HNRNPU: variants seen among roughly 807,000 people sequenced by gnomAD.
The protein encoded by HNRNPU is HNRNPU antisense RNA 1.
Under a neutral mutation model 94.7 loss-of-function variants are expected in HNRNPU, and 5 were observed. That is an observed-to-expected ratio of 0.05 (90% CI 0.03 to 0.11). The LOEUF (loss-of-function observed/expected upper bound fraction) is 0.11, where lower values mean the gene tolerates loss of function less well. HNRNPU is among the 10% of genes least tolerant of loss of function. The pLI is 1.00. For missense variants in HNRNPU, 710 were observed against 1,049.2 expected (o/e 0.68, Z 4.47); for synonymous variants, 434 against 381.6 (o/e 1.14, Z -1.60).
chr1:244,861,641 C>T (rs575201239), intron 3 of HNRNPU: 3 of 151,824 alleles, frequency 2.0e-5, no homozygotes, highest in Admixed American at 2.0e-4. Flanking sequence ...AGGCTGACAC[C>T]ATAGCTGATA....
intron 6 of HNRNPU, 120 bp from the exon 7 acceptor site, chr1:244,858,394 G>A (rs1341487777): frequency 1.1e-6 from 1 of 933,314 alleles, no homozygotes; most frequent in Non-Finnish European, 1.6e-6. Context: ...AGAACTATTA[G>A]GTGGCCTTTA....
rs1480185712 is a variant in HNRNPU, at chr1:244,852,811, G to A, written c.*1639C>T. 6.6e-6 allele frequency: 1 copy of A among 152,430 alleles called. No homozygotes were observed. Among genetic ancestry groups the A allele is most frequent in the Non-Finnish European group, 1.5e-5 (1 of 68,008 alleles). 9.4% of individuals were successfully genotyped at this position (152,430 alleles called of 1,614,324 possible). A position where few individuals can be genotyped will look rare whatever the true frequency, so the allele number is the denominator to read the frequency against. On this transcript the variant is annotated 3_prime_UTR_variant, in exon 14 of 14. Coordinates refer to ENST00000640218, the MANE Select transcript of HNRNPU (RefSeq NM_031844.3). ...ATATAGCAAACCTAAACTTACCAAA[G>A]CAACCTAAAAACACCAAGGAAACGC...
Position 244,856,718 on chromosome 1 carries a change from T to C in HNRNPU, c.1743+10A>G, listed in dbSNP as rs75053711. 1 of 1,609,460 alleles carries C rather than the reference T, an allele frequency of 6.2e-7. No homozygotes were observed. The highest frequency in any genetic ancestry group is 1.7e-5 in the Admixed American group (1 of 58,888). Reference sequence around the variant, plus strand: ...AGTTAATATTTTTCAATTTCAAAGCTACAGCGTACCTGATCCAGAATAAAA... The same window carrying C: ...AGTTAATATTTTTCAATTTCAAAGCCACAGCGTACCTGATCCAGAATAAAA... On this transcript the variant is annotated intron_variant, in intron 9 of 13. Coordinates refer to ENST00000640218, the MANE Select transcript of HNRNPU (RefSeq NM_031844.3).
In HNRNPU at chr1:244,860,253, G is replaced by A. The variant is rs1047174529; in HGVS notation, c.1017+82C>T. The A allele has an allele frequency of 4.0e-6, 5 of 1,261,580 alleles. No homozygotes were observed. The Admixed American group carries it at 1.1e-4, about 27-fold the overall frequency. The allele number at this position is 1,261,580 out of a possible 1,614,324, so 78.1% of individuals were successfully genotyped here. ...GACGCGGAGGTTGCAGTGAGCCTAG[G>A]TCGCACCACGGCAATCCAGCCTAGG... On this transcript the variant is annotated intron_variant, in intron 4 of 13. Coordinates refer to ENST00000640218, the MANE Select transcript of HNRNPU (RefSeq NM_031844.3).
At chr1:244,859,232 C>A (rs760517258) in intron 5 of HNRNPU, 43 bp downstream of exon 5, 14 of 999,234 alleles carry the variant, frequency 1.4e-5, no homozygotes, top group Non-Finnish European at 2.2e-5. Flanking sequence ...ATCAGACCCT[C>A]CTGAACATTC....
rs750711704 is a variant in HNRNPU at position 244,857,997 on chromosome 1, A to C, written c.1494+14T>G. ...TATTCAAATGCCACAGTTAAAAAAAAAAAAATCCCTTACTTCACAATCTTT... is the reference window on the plus strand; with the variant it reads ...TATTCAAATGCCACAGTTAAAAAAACAAAAATCCCTTACTTCACAATCTTT... On this transcript the variant is annotated intron_variant, in intron 7 of 13. Transcript: ENST00000640218. 31 of 1,573,540 alleles carry C rather than the reference A, an allele frequency of 2.0e-5. No homozygotes were observed. The highest frequency in any genetic ancestry group is 1.7e-4 in the Middle Eastern group (1 of 5,846).
At chr1:244,862,050 A>G (rs1680845224) in intron 3 of HNRNPU, 1 of 159,558 alleles carries the variant, frequency 6.3e-6, no homozygotes, top group African/African-American at 2.4e-5. Context: ...CTTGTGTGCT[A>G]ATGGGAGAAG....
At position 244,856,118 on chromosome 1, in the gene HNRNPU, T is replaced by C; in HGVS notation, c.1953A>G (p.Glu651=). The change falls in exon 11 of 14, where the codon GAA becomes GAG. Residue 651 remains glutamate, a synonymous_variant. Transcript: ENST00000640218. The stretch of plus-strand genomic sequence containing the variant: ...CCTTCTGAAGTTCAACATAGGTTAT[T>C]TCATCAAAGCACTCAGCTACCTCTG... ...TLPEVAECFD[E]ITYVELQKEE... is the part of the protein sequence containing the mutation. The C allele has an allele frequency of 6.2e-7, 1 of 1,613,734 alleles. No homozygotes were observed.
chr1:244,864,463 C>G lies in HNRNPU; in HGVS notation c.-156G>C, dbSNP rs561701497. On this transcript the variant is annotated 5_prime_UTR_variant, in exon 1 of 14. Coordinates refer to ENST00000640218, the MANE Select transcript of HNRNPU (RefSeq NM_031844.3). ...GCTGCAGAGCGGATCCGCCTGGTGT[C>G]GAACGGCGCCAATTCCTTTCACCGA... 75 of 1,295,304 alleles carry G rather than the reference C, an allele frequency of 5.8e-5. No homozygotes were observed. In the African/African-American group the frequency reaches 1.1e-3, roughly 19 times the overall value. The allele number at this position is 1,295,304 out of a possible 1,614,324, so 80.2% of individuals were successfully genotyped here.
intron 10 of HNRNPU, 89 bp downstream of exon 10, chr1:244,856,368 A>T: frequency 7.2e-7 from 1 of 1,384,052 alleles, no homozygotes; most frequent in Non-Finnish European, 9.9e-7. Flanking sequence ...GTCCTAATAG[A>T]TTTAACATAG....
At chr1:244,861,217 A>T (rs1680817164) in intron 3 of HNRNPU, 1 of 152,258 alleles carries the variant, frequency 6.6e-6, no homozygotes, top group Non-Finnish European at 1.5e-5. Flanking sequence ...TTTACTGATC[A>T]GAGAAAAATA....
intron 10 of HNRNPU, 121 bp from the exon 11 acceptor site, chr1:244,856,279 T>C (rs1343648818): frequency 1.6e-5 from 19 of 1,175,146 alleles, no homozygotes; most frequent in Non-Finnish European, 2.3e-5. Context: ...AGACCAAACA[T>C]ATATGCATAT....
intron 8 of HNRNPU, chr1:244,857,303 T>C (rs912135303): frequency 2.2e-5 from 6 of 276,682 alleles, no homozygotes; most frequent in Non-Finnish European, 4.0e-5. Flanking sequence ...TGGAGTACAA[T>C]GGCACGATCT....
chr1:244,854,468 A>G lies in HNRNPU; in HGVS notation c.2460T>C (p.Tyr820=). Residue 820 remains tyrosine, a synonymous_variant, in exon 14 of 14, where the codon TAT becomes TAC. Coordinates refer to ENST00000640218, the MANE Select transcript of HNRNPU (RefSeq NM_031844.3). ...TGGGTATTCAATAATATCCTTGGTG[A>G]TAATGCTGACTCCATGGCTTCTGAC... The part of the protein sequence containing the change: ...FWGQKPWSQH[Y]HQGYY 3 of 1,607,932 alleles carry G rather than the reference A, an allele frequency of 1.9e-6. No homozygotes were observed. The highest frequency in any genetic ancestry group is 2.6e-6 in the Non-Finnish European group (3 of 1,174,742).
At position 244,863,759 on chromosome 1, in the gene HNRNPU, G is replaced by A; in HGVS notation, c.549C>T (p.Ala183=). 3.8e-6 allele frequency: 6 copies of A among 1,587,828 alleles called. No individual in the cohort carries two copies. The highest frequency in any genetic ancestry group is 5.1e-6 in the Non-Finnish European group (6 of 1,170,250). Residue 183 remains alanine, a synonymous_variant, in exon 1 of 14, where the codon GCC becomes GCT. Coordinates refer to ENST00000640218, the MANE Select transcript of HNRNPU (RefSeq NM_031844.3). ...PQQQRGAAKE[A]AGKSSGPTSL... is the part of the protein sequence containing the mutation. Reference sequence around the variant, plus strand: ...AGGTGGGGCCGCTGCTCTTCCCCGCGGCCTCCTTGGCGGCCCCGCGCTGCT... The same window carrying A: ...AGGTGGGGCCGCTGCTCTTCCCCGCAGCCTCCTTGGCGGCCCCGCGCTGCT...
At chr1:244,858,892 A>T (rs1218915204) in intron 5 of HNRNPU, 51 bp from the exon 6 acceptor site, 1 of 874,624 alleles carries the variant, frequency 1.1e-6, no homozygotes, top group Admixed American at 2.1e-5. Flanking sequence ...TAGTCCAAAG[A>T]CTCATCTATT....
chr1:244,858,206 T>A lies in HNRNPU; in HGVS notation c.1299A>T (p.Lys433Asn). Residue 433 changes from lysine (K) to asparagine (N), a missense_variant, in exon 7 of 14, where the codon AAA (lysine) becomes AAT (asparagine). Transcript: ENST00000640218. ...KNGQDLGVAF[K>N]ISKEVLAGRP... ...GTCCAGCAAGAACTTCCTTACTGAT[T>A]TTGAAGGCAACGCCAAGATCTTGTC... 9.3e-6 allele frequency: 15 copies of A among 1,614,168 alleles called. No individual in the cohort carries two copies. Among genetic ancestry groups the A allele is most frequent in the Non-Finnish European group, 1.2e-5 (14 of 1,179,980 alleles).
At chr1:244,854,926 A>T in intron 13 of HNRNPU, 47 bp downstream of exon 13, 2 of 1,379,424 alleles carry the variant, frequency 1.4e-6, no homozygotes, top group Non-Finnish European at 2.1e-6. Context: ...AATCTTAGGA[A>T]CTCAAAATAC....
intron 3 of HNRNPU, chr1:244,861,350 AACAATTACATT>A (rs1438785205): frequency 6.6e-6 from 1 of 152,278 alleles, no homozygotes; most frequent in Non-Finnish European, 1.5e-5. Flanking sequence ...TAAAAAATCT[AACAATTACATT>A]ACCTGTGTGA....
Sources: allele counts gnomAD v4.1 joint callset, GRCh38; gene constraint gnomAD v4.1.1; transcripts MANE v1.5; gene names NCBI Gene and HGNC (gene_info 2026-07-23, HGNC 2026-07-21).